Variants in SEC24C observed in about 807,000 individuals in gnomAD.
The protein encoded by SEC24C is protein transport protein Sec24C.
SEC24C carries 22 observed loss-of-function variants against 117.0 expected under a neutral mutation model. The ratio of observed to expected loss-of-function variants is 0.19; its 90% CI spans 0.13 to 0.27. The LOEUF (loss-of-function observed/expected upper bound fraction) is 0.27, where lower values mean the gene tolerates loss of function less well. Ranked by LOEUF, SEC24C falls within the 10% of genes least tolerant of loss-of-function variation. The probability of loss-of-function intolerance (pLI) is 1.00; values close to 1 mark genes in which losing one functional copy is unlikely to be tolerated. For missense variants in SEC24C, 1,155 were observed against 1,375.1 expected, an observed-to-expected ratio of 0.84 and a Z score of 2.53; for synonymous variants, 506 against 529.4, an observed-to-expected ratio of 0.96 and a Z score of 0.61.
rs148462971 is a variant in SEC24C, at chr10:73,769,143, T to A, written c.2415T>A (p.Ala805=). 8.7e-6 allele frequency: 14 copies of A among 1,613,744 alleles called. No homozygotes were observed. Among genetic ancestry groups the A allele is most frequent in the African/African-American group, 1.3e-5 (1 of 74,792 alleles). Residue 805 remains alanine, a synonymous_variant, in exon 17 of 23, where the codon GCT becomes GCA. Transcript: ENST00000345254. This position sits in a 1 kb window ranked among gnomAD's most constrained non-coding sequence, Gnocchi z 4.5. ...HDDRLNEESG[A]LLQCALLYTS... is the part of the protein sequence containing the mutation. ...ATCGGCTCAATGAAGAGAGCGGAGCTCTCCTGCAGGTGGCAGGCGGGAGGC... is the reference window on the plus strand; with the variant it reads ...ATCGGCTCAATGAAGAGAGCGGAGCACTCCTGCAGGTGGCAGGCGGGAGGC...
intron 9 of SEC24C, 41 bp downstream of exon 9, chr10:73,765,630 T>G: frequency 1.2e-6 from 2 of 1,605,774 alleles, no homozygotes; most frequent in East Asian, 2.2e-5. Context: ...AGGTCTTGAT[T>G]GTATCTTCCT....
intron 2 of SEC24C, among the ~76,000 whole-genome samples, chr10:73,748,609 G>A (rs1333752312): frequency 6.6e-6 from 1 of 150,492 alleles, no homozygotes; most frequent in East Asian, 1.9e-4. Context: ...CTAATGTTTT[G>A]TATTTTTATT....
chr10:73,766,846 C>T lies in SEC24C; in HGVS notation c.1886C>T (p.Ala629Val). The T allele has an allele frequency of 6.2e-7, 1 of 1,613,794 alleles. No homozygotes were observed. Among genetic ancestry groups the T allele is most frequent in the Non-Finnish European group, 8.5e-7 (1 of 1,179,702 alleles). ...FVPVIQAGMEALKAAECAGKL... is the reference protein window; with the variant it reads ...FVPVIQAGMEVLKAAECAGKL... ...CCAGTTATCCAGGCTGGAATGGAGG[C>T]TCTGAAGGTAAGGCTGGAGTATCGG... Residue 629 changes from alanine to valine, a missense_variant, in exon 13 of 23, where the codon GCT becomes GTT. This residue lies in a region of SEC24C where 759 missense variants were observed against 992.3 expected (regional missense o/e 0.76). Transcript: ENST00000345254.
intron 12 of SEC24C, 105 bp from the exon 13 acceptor site, chr10:73,766,655 A>T (rs1193818085): frequency 7.0e-7 from 1 of 1,434,106 alleles, no homozygotes; most frequent in African/African-American, 1.4e-5. Flanking sequence ...GTGGCCCAGG[A>T]GTTGTCAGAT....
rs762996842 is a variant in SEC24C, at chr10:73,765,872, C to T, written c.1439C>T (p.Ser480Phe). The change falls in exon 10 of 23, where the codon TCC becomes TTC. Residue 480 changes from serine (S) to phenylalanine (F), a missense_variant. This residue lies in a region of SEC24C where 759 missense variants were observed against 992.3 expected (regional missense o/e 0.76). Coordinates refer to ENST00000345254, the MANE Select transcript of SEC24C (RefSeq NM_198597.3). ...RVDAYDRPEL[S>F]LGSYEFLATV... ...GATGCTTATGACCGCCCTGAGCTAT[C>T]CCTGGGCTCTTATGAATTCTTGGCC... 6.2e-7 allele frequency: 1 copy of T among 1,614,142 alleles called. No individual in the cohort carries two copies. The highest frequency in any genetic ancestry group is 2.2e-5 in the East Asian group (1 of 44,886).
intron 2 of SEC24C, among the ~76,000 whole-genome samples, chr10:73,748,956 T>C (rs2082603749): frequency 6.6e-6 from 1 of 152,338 alleles, no homozygotes; most frequent in South Asian, 2.1e-4. Flanking sequence ...TTGGCCAGGC[T>C]GGTCTCGAAC....
chr10:73,751,337 G>C, intron 3 of SEC24C, 94 bp downstream of exon 3: 2 of 1,252,464 alleles, frequency 1.6e-6, no homozygotes, highest in Non-Finnish European at 2.2e-6. Context: ...GAGGTGGGTG[G>C]ATCACCTGAG....
chr10:73,755,620 T>C (rs2082698708), intron 3 of SEC24C, among the ~76,000 whole-genome samples: 8 of 151,160 alleles, frequency 5.3e-5, no homozygotes, highest in Admixed American at 5.3e-4. Context: ...GAGCTTGCAG[T>C]GAGCCGAGAT....
intron 6 of SEC24C, chr10:73,762,052 C>T (rs868808254): frequency 8.1e-7 from 1 of 1,231,996 alleles, no homozygotes; most frequent in African/African-American, 1.5e-5. Flanking sequence ...TCTTTTGTCT[C>T]CCTCCTTGTA....
Position 73,763,505 on chromosome 10 carries a change from G to A in SEC24C, c.1003G>A (p.Asp335Asn), listed in dbSNP as rs1020589852. ...TTCTCTGCAGATTCAGGTCATTGAAGATGACAGGAACAACCGGGGTACAGA... is the reference window on the plus strand; with the variant it reads ...TTCTCTGCAGATTCAGGTCATTGAAAATGACAGGAACAACCGGGGTACAGA... ...AIPSPIQVIE[D>N]DRNNRGTEPF... Residue 335 changes from aspartate (D) to asparagine (N), a missense_variant, in exon 7 of 23, where the codon GAT (aspartate) becomes AAT (asparagine). Coordinates refer to ENST00000345254, the MANE Select transcript of SEC24C (RefSeq NM_198597.3). The A allele has an allele frequency of 9.9e-6, 16 of 1,611,096 alleles. No homozygotes were observed. Among genetic ancestry groups the A allele is most frequent in the Non-Finnish European group, 1.4e-5 (16 of 1,177,612 alleles).
At chr10:73,763,378 T>C (rs997772831) in intron 6 of SEC24C, 112 bp from the exon 7 acceptor site, 1 of 644,898 alleles carries the variant, frequency 1.6e-6, no homozygotes. Context: ...GAGGTGTTCC[T>C]TGGCAAATTT....
chr10:73,764,352 G>A lies in SEC24C; in HGVS notation c.1227+369G>A, dbSNP rs184703238. 3.9e-5 allele frequency among the ~76,000 whole-genome samples: 6 copies of A among 152,114 alleles called. No individual in the cohort carries two copies. The East Asian group carries it at 5.8e-4, about 15-fold the overall frequency. On this transcript the variant is annotated intron_variant, in intron 8 of 22. Transcript: ENST00000345254. Reference sequence around the variant, plus strand: ...ATCCTGGCTAACACGGTGAAACCCCGTCTCTATGAAAAATACAAAAAATTA... The same window carrying A: ...ATCCTGGCTAACACGGTGAAACCCCATCTCTATGAAAAATACAAAAAATTA...
Position 73,767,089 on chromosome 10 carries a change from T to C in SEC24C, c.1929T>C (p.His643=). ...GTGCAGGGAAGCTCTTTCTATTCCA[T>C]ACATCCCTGCCCATTGCAGAGGCCC... ...AECAGKLFLF[H]TSLPIAEAPG... The change falls in exon 14 of 23, where the codon CAT becomes CAC. Residue 643 remains histidine (H), a synonymous_variant. Coordinates refer to ENST00000345254, the MANE Select transcript of SEC24C (RefSeq NM_198597.3). 6.2e-7 allele frequency: 1 copy of C among 1,614,016 alleles called. No individual in the cohort carries two copies. Among genetic ancestry groups the C allele is most frequent in the South Asian group, 1.1e-5 (1 of 91,076 alleles).
intron 2 of SEC24C, among the ~76,000 whole-genome samples, chr10:73,749,261 A>G (rs536499457): frequency 6.6e-6 from 1 of 152,300 alleles, no homozygotes; most frequent in South Asian, 2.1e-4. Context: ...AGTCTCCTTG[A>G]AATAATTTAT....
Position 73,768,876 on chromosome 10 carries a change from G to T in SEC24C, c.2248G>T (p.Asp750Tyr). The change falls in exon 16 of 23, where the codon GAT becomes TAT. Residue 750 changes from aspartate (D) to tyrosine (Y), a missense_variant. Physicochemically the swap from Asp to Tyr is radical, Grantham distance 160. Transcript: ENST00000345254. ...RRDVQKVVGF[D>Y]AVMRVRTSTG... ...TGATGTCCAGAAGGTTGTTGGCTTT[G>T]ATGCTGTGATGCGGGTCCGGACAAG... 6.2e-7 allele frequency: 1 copy of T among 1,614,196 alleles called. No individual in the cohort carries two copies. The highest frequency in any genetic ancestry group is 8.5e-7 in the Non-Finnish European group (1 of 1,180,054).
chr10:73,770,872 GAGTA>G, intron 22 of SEC24C, 74 bp downstream of exon 22: 1 of 1,612,348 alleles, frequency 6.2e-7, no homozygotes. Flanking sequence ...GGTGGGGAAT[GAGTA>G]AGTGACTGCC....
At chr10:73,770,222 G>A in intron 20 of SEC24C, 58 bp from the exon 21 acceptor site, 2 of 1,506,526 alleles carry the variant, frequency 1.3e-6, no homozygotes, top group Non-Finnish European at 1.8e-6. Flanking sequence ...GTGTGGTGCG[G>A]GGGGGCAGAC....
Position 73,771,226 on chromosome 10 carries a change from G to A in SEC24C, c.*131G>A, listed in dbSNP as rs915215460. On this transcript the variant is annotated 3_prime_UTR_variant, in exon 23 of 23. Transcript: ENST00000345254. ...TCTCTGGGGGGAGGGGGAGATATAA[G>A]GAGACACCTTCTTTCTGGGCTCAAG... 4 of 1,047,356 alleles carry A rather than the reference G, an allele frequency of 3.8e-6. No homozygotes were observed. Among genetic ancestry groups the A allele is most frequent in the Non-Finnish European group, 4.1e-6 (3 of 723,430 alleles). 64.9% of individuals were successfully genotyped at this position (1,047,356 alleles called of 1,614,324 possible).
chr10:73,765,566 G>T lies in SEC24C; in HGVS notation c.1343G>T (p.Cys448Phe), dbSNP rs2082870040. The change falls in exon 9 of 23, where the codon TGT becomes TTT. Residue 448 changes from cysteine to phenylalanine, a missense_variant. By Grantham distance (205) the Cys-to-Phe change is radical. This residue lies in a region of SEC24C where 759 missense variants were observed against 992.3 expected (regional missense o/e 0.76). Coordinates refer to ENST00000345254, the MANE Select transcript of SEC24C (RefSeq NM_198597.3). ...GAAGGAGGGAGGCGTTTCCAGTGCT[G>T]TTTTTGCAGCTGTATCAATGATGGT... is the stretch of plus-strand genomic sequence containing the variant. ...FIEGGRRFQCCFCSCINDVPP... is the reference protein window; with the variant it reads ...FIEGGRRFQCFFCSCINDVPP... 1 of 1,613,900 alleles carries T rather than the reference G, an allele frequency of 6.2e-7. No individual in the cohort carries two copies. The highest frequency in any genetic ancestry group is 1.3e-5 in the African/African-American group (1 of 75,052).
Sources: allele counts gnomAD v4.1 joint callset (sites outside exome capture counted in the v4.1 genomes callset), GRCh38; gene constraint gnomAD v4.1.1; regional missense constraint gnomAD v4.1.1; non-coding constraint Gnocchi (gnomAD v3.1); transcripts MANE v1.5; gene names NCBI Gene and HGNC (gene_info 2026-07-23, HGNC 2026-07-21).